TMEM101: variants seen among roughly 807,000 people sequenced by gnomAD.
TMEM101 encodes the protein putative NF-kappa-B-activating protein 130.
TMEM101 carries 14 observed loss-of-function variants against 26.0 expected under a neutral mutation model. The ratio of observed to expected loss-of-function variants is 0.54; its 90% CI spans 0.36 to 0.84. TMEM101 has a LOEUF of 0.84. Among genes scored for constraint, TMEM101 ranks in the 40% least tolerant of loss-of-function variants. The pLI, the probability that TMEM101 is intolerant of heterozygous loss-of-function variation, is 0.01. For missense variants in TMEM101, 292 were observed against 345.1 expected, an observed-to-expected ratio of 0.85 and a Z score of 1.22; for synonymous variants, 152 against 145.1, an observed-to-expected ratio of 1.05 and a Z score of -0.34.
chr17:44,023,122 G>A (rs1597876105), upstream of TMEM101: 1 of 277,772 alleles, frequency 3.6e-6, no homozygotes, highest in Non-Finnish European at 7.0e-6. Context: ...CAGACGAGGA[G>A]AGGTCTCATG....
At chr17:44,014,591 A>C in intron 1 of TMEM101, 54 bp from the exon 2 acceptor site, 3 of 1,556,496 alleles carry the variant, frequency 1.9e-6, no homozygotes, top group Non-Finnish European at 1.7e-6. Context: ...GTGGGGGAAG[A>C]AGCTTGAGAC....
upstream of TMEM101, among the ~76,000 whole-genome samples, chr17:44,017,579 G>C (rs2049245968): frequency 7.1e-6 from 1 of 141,194 alleles, no homozygotes; most frequent in Non-Finnish European, 1.5e-5. Flanking sequence ...GGGTGACAAG[G>C]TGAGACAACA....
rs1194003053 is a variant in TMEM101 at position 44,013,162 on chromosome 17, C to A, written c.319-7G>T. 1 of 1,544,568 alleles carries A rather than the reference C, an allele frequency of 6.5e-7. No homozygotes were observed. The highest frequency in any genetic ancestry group is 1.8e-5 in the Admixed American group (1 of 55,856). On this transcript the variant is annotated splice_polypyrimidine_tract_variant and splice_region_variant and intron_variant, in intron 2 of 3. Coordinates refer to ENST00000206380, the MANE Select transcript of TMEM101 (RefSeq NM_032376.4). ...TGCGCGAGTACATACGGACCTAGGC[C>A]GGGGTAAGGGGACCCCAGTCAAGAA...
chr17:44,011,840 T>C lies in TMEM101; in HGVS notation c.*88A>G. 2.9e-6 allele frequency: 4 copies of C among 1,356,054 alleles called. No individual in the cohort carries two copies. The highest frequency in any genetic ancestry group is 3.0e-6 in the Non-Finnish European group (3 of 994,652). 84.0% of individuals were successfully genotyped at this position (1,356,054 alleles called of 1,614,324 possible). A position where few individuals can be genotyped will look rare whatever the true frequency, so the allele number is the denominator to read the frequency against. On this transcript the variant is annotated 3_prime_UTR_variant, in exon 4 of 4. Coordinates refer to ENST00000206380, the MANE Select transcript of TMEM101 (RefSeq NM_032376.4). ...GATCAAACAAACAGACCAAAAAGCA[T>C]AAATAAACAGCAGCTGGGCCAGCAA...
chr17:44,013,720 G>A (rs1162795945), intron 2 of TMEM101, among the ~76,000 whole-genome samples: 4 of 152,132 alleles, frequency 2.6e-5, no homozygotes, highest in African/African-American at 9.7e-5. Flanking sequence ...GCAGAACCCA[G>A]ACACAATGTG....
upstream of TMEM101, among the ~76,000 whole-genome samples, chr17:44,017,144 C>G (rs1390184417): frequency 1.1e-5 from 1 of 94,216 alleles, no homozygotes; most frequent in Non-Finnish European, 2.4e-5. Context: ...GATTGAGAGA[C>G]TCTGTCTCAA....
chr17:44,020,259 T>C (rs2049273685), intron 2 of TMEM101, among the ~76,000 whole-genome samples: 1 of 152,166 alleles, frequency 6.6e-6, no homozygotes, highest in African/African-American at 2.4e-5. Flanking sequence ...CAAGCAGGTA[T>C]TGCCACCTGT....
Position 44,011,905 on chromosome 17 carries a change from A to G in TMEM101, c.*23T>C. ...TGACCCTCAGTGGCTCCCTGTGCCC[A>G]TCTCAGCCTCTTGCCATAAAACTCA... On this transcript the variant is annotated 3_prime_UTR_variant, in exon 4 of 4. Transcript: ENST00000206380. 6.3e-7 allele frequency: 1 copy of G among 1,586,182 alleles called. No homozygotes were observed.
chr17:44,014,650 C>T, intron 1 of TMEM101, 113 bp from the exon 2 acceptor site: 2 of 1,508,796 alleles, frequency 1.3e-6, no homozygotes, highest in South Asian at 1.3e-5. Flanking sequence ...AGACTCCCCT[C>T]CCATGGGCAG....
upstream of TMEM101, among the ~76,000 whole-genome samples, chr17:44,018,591 G>C (rs2049256126): frequency 6.6e-6 from 1 of 152,116 alleles, no homozygotes; most frequent in Non-Finnish European, 1.5e-5. Context: ...GTTTCAAATG[G>C]CTGAGGTGTA....
intron 2 of TMEM101, among the ~76,000 whole-genome samples, chr17:44,013,990 T>C (rs935980204): frequency 1.3e-5 from 2 of 152,214 alleles, no homozygotes; most frequent in Non-Finnish European, 2.9e-5. Flanking sequence ...ATTTATTTTA[T>C]GAAAACTAGG....
intron 1 of TMEM101, among the ~76,000 whole-genome samples, chr17:44,022,809 A>G (rs965551576): frequency 6.6e-6 from 1 of 152,138 alleles, no homozygotes; most frequent in Non-Finnish European, 1.5e-5. Context: ...TTTCTTTCGG[A>G]TTCTGTTTGT....
At chr17:44,015,264 G>C (rs1196241495), upstream of TMEM101, 11 of 238,022 alleles carry the variant, frequency 4.6e-5, no homozygotes, top group Non-Finnish European at 9.1e-5. Context: ...AATGCAGCCC[G>C]ATCAGGGCCC....
upstream of TMEM101, chr17:44,014,994 G>A (rs375772749): frequency 6.4e-7 from 1 of 1,560,694 alleles, no homozygotes; most frequent in Non-Finnish European, 8.7e-7. Context: ...CCCAGTCAGA[G>A]AAGCAGGCGC....
chr17:44,015,647 C>T (rs2049223562), upstream of TMEM101, among the ~76,000 whole-genome samples: 1 of 152,194 alleles, frequency 6.6e-6, no homozygotes, highest in African/African-American at 2.4e-5. Flanking sequence ...CCCGCCTCGG[C>T]CTCCCAAAGT....
intron 3 of TMEM101, 137 bp from the exon 4 acceptor site, chr17:44,012,373 A>C (rs1277853867): frequency 2.5e-6 from 2 of 796,184 alleles, no homozygotes; most frequent in Non-Finnish European, 3.9e-6. Context: ...GGAACCTCTG[A>C]AAGTAGGGCC....
intron 2 of TMEM101, among the ~76,000 whole-genome samples, chr17:44,013,871 A>G (rs983585914): frequency 6.6e-6 from 1 of 152,176 alleles, no homozygotes; most frequent in African/African-American, 2.4e-5. Context: ...AGGGTCTGAC[A>G]GTCTCTTCCT....
chr17:44,022,727 A>G (rs1280585937), intron 1 of TMEM101, among the ~76,000 whole-genome samples: 1 of 152,160 alleles, frequency 6.6e-6, no homozygotes, highest in East Asian at 1.9e-4. Flanking sequence ...GAACTGGGGG[A>G]GTTCCCATCC....
At chr17:44,019,475 G>A (rs536513429), upstream of TMEM101, 6 of 181,754 alleles carry the variant, frequency 3.3e-5, no homozygotes, top group East Asian at 5.2e-4. Context: ...CTCCAGGCAC[G>A]AGGGCCCTTC....
Sources: allele counts gnomAD v4.1 joint callset (sites outside exome capture counted in the v4.1 genomes callset), GRCh38; gene constraint gnomAD v4.1.1; transcripts MANE v1.5; gene names NCBI Gene and HGNC (gene_info 2026-07-23, HGNC 2026-07-21).